Variants in ZFPM2 observed in about 807,000 individuals in gnomAD.
The protein encoded by ZFPM2 is zinc finger protein ZFPM2.
Under a neutral mutation model 98.6 loss-of-function variants are expected in ZFPM2, and 20 were observed. The ratio of observed to expected loss-of-function variants is 0.20; its 90% CI spans 0.14 to 0.29. ZFPM2 has a LOEUF of 0.29. Ranked by LOEUF, ZFPM2 falls within the 10% of genes least tolerant of loss-of-function variation. The pLI is 1.00. For synonymous variants in ZFPM2, 518 were observed against 502.7 expected (o/e 1.03, Z -0.41); for missense variants, 1,310 against 1,388.6 (o/e 0.94, Z 0.90).
chr8:105,318,843 CCAGCGGCGG>C lies in ZFPM2; in HGVS notation c.-97_-89del, dbSNP rs1239556199. ...CCGGCCGGCGGCGGGCCGAGCCTGG[CCAGCGGCGG>C]CGGCGGCGGCGGCGGCGGCGGGAGC... is the stretch of plus-strand genomic sequence containing the variant. On this transcript the variant is annotated 5_prime_UTR_variant, in exon 1 of 8. Transcript: ENST00000407775. The C allele has an allele frequency of 2.2e-6, 1 of 445,874 alleles. No homozygotes were observed. 27.6% of individuals were successfully genotyped at this position (445,874 alleles called of 1,614,324 possible).
intron 5 of ZFPM2, among the ~76,000 whole-genome samples, chr8:105,738,973 C>T (rs972739034): frequency 6.6e-6 from 1 of 152,054 alleles, no homozygotes; most frequent in African/African-American, 2.4e-5. Flanking sequence ...TTAATTTAGG[C>T]ACAATCTATA....
chr8:105,635,628 T>C (rs1449714403), intron 5 of ZFPM2, among the ~76,000 whole-genome samples: 2 of 152,186 alleles, frequency 1.3e-5, no homozygotes, highest in Non-Finnish European at 2.9e-5. Context: ...ATATAATCTA[T>C]CAAAGTGAAA....
chr8:105,663,675 G>A (rs1016408608), intron 5 of ZFPM2, among the ~76,000 whole-genome samples: 1 of 152,104 alleles, frequency 6.6e-6, no homozygotes, highest in African/African-American at 2.4e-5. Flanking sequence ...AGTCATATGG[G>A]GTAGGTGTTG....
At chr8:105,529,937 G>T (rs2130578456) in intron 3 of ZFPM2, among the ~76,000 whole-genome samples, 1 of 152,084 alleles carries the variant, frequency 6.6e-6, no homozygotes, top group Admixed American at 6.6e-5. Flanking sequence ...CACCATGTTG[G>T]TCAGGCTGGT....
chr8:105,742,244 G>A (rs1225806486), intron 5 of ZFPM2, among the ~76,000 whole-genome samples: 1 of 151,880 alleles, frequency 6.6e-6, no homozygotes, highest in Non-Finnish European at 1.5e-5. Context: ...TGTGCATGGT[G>A]GCGCATGCTT....
At chr8:105,567,505 G>A (rs1586467956) in intron 4 of ZFPM2, among the ~76,000 whole-genome samples, 1 of 151,500 alleles carries the variant, frequency 6.6e-6, no homozygotes, top group Non-Finnish European at 1.5e-5. Context: ...TGAACATTTT[G>A]TGGACCTCTT....
At chr8:105,345,260 T>C (rs921769836) in intron 1 of ZFPM2, among the ~76,000 whole-genome samples, 1 of 152,132 alleles carries the variant, frequency 6.6e-6, no homozygotes, top group African/African-American at 2.4e-5. Context: ...GGTTACCGAA[T>C]ACTATACTTT....
rs1332748193 is a variant in ZFPM2, at chr8:105,432,620, T to C, written c.200-11660T>C. Among the ~76,000 whole-genome samples the C allele has an allele frequency of 3.3e-5, 5 of 152,290 alleles. No homozygotes were observed. The East Asian group carries it at 9.7e-4, about 29-fold the overall frequency. On this transcript the variant is annotated intron_variant, in intron 2 of 7. Transcript: ENST00000407775. ...GGGTTATAGTACAGAATATCCTCAT[T>C]TAGAGACCATAAGGTGTTACTGTGT...
intron 4 of ZFPM2, among the ~76,000 whole-genome samples, chr8:105,597,967 AT>A (rs900419642): frequency 2.0e-5 from 3 of 147,920 alleles, no homozygotes; most frequent in Non-Finnish European, 3.0e-5. Flanking sequence ...GGGGATTGTT[AT>A]TTCAGTTCTT....
intron 3 of ZFPM2, among the ~76,000 whole-genome samples, chr8:105,510,398 GTTT>G (rs756888707): frequency 0.1 from 14,569 of 138,866 alleles, 936 homozygotes; most frequent in African/African-American, 0.19. Context: ...GTCTGTGCAT[GTTT>G]TTTTTTTTTT....
chr8:105,781,992 A>G (rs1351960640), intron 5 of ZFPM2, among the ~76,000 whole-genome samples: 1 of 152,148 alleles, frequency 6.6e-6, no homozygotes, highest in Non-Finnish European at 1.5e-5. Flanking sequence ...AATCTGCCTT[A>G]TTCAAATGCC....
chr8:105,802,225 G>T lies in ZFPM2; in HGVS notation c.2143G>T (p.Asp715Tyr). 6.2e-7 allele frequency: 1 copy of T among 1,613,862 alleles called. No individual in the cohort carries two copies. The highest frequency in any genetic ancestry group is 8.5e-7 in the Non-Finnish European group (1 of 1,179,850). The change falls in exon 8 of 8, where the codon GAC becomes TAC. Residue 715 changes from aspartate (D) to tyrosine (Y), a missense_variant. Coordinates refer to ENST00000407775, the MANE Select transcript of ZFPM2 (RefSeq NM_012082.4). ...HKQYYCATRHDPPLKRSASNK... is the reference protein window; with the variant it reads ...HKQYYCATRHYPPLKRSASNK... ...ACAGTATTACTGTGCTACACGCCAC[G>T]ACCCTCCACTGAAGAGGTCTGCTTC... is the stretch of plus-strand genomic sequence containing the variant.
chr8:105,501,915 G>C (rs1209722451), intron 3 of ZFPM2, among the ~76,000 whole-genome samples: 1 of 151,298 alleles, frequency 6.6e-6, no homozygotes, highest in Middle Eastern at 3.2e-3. Context: ...TAAACACAAT[G>C]TTTTAATTCA....
intron 2 of ZFPM2, among the ~76,000 whole-genome samples, chr8:105,441,659 T>C (rs1456867713): frequency 6.6e-6 from 1 of 151,898 alleles, no homozygotes; most frequent in African/African-American, 2.4e-5. Flanking sequence ...ACAGCTAACA[T>C]TGTGATTCCA....
At chr8:105,322,075 A>G (rs1298200273) in intron 1 of ZFPM2, among the ~76,000 whole-genome samples, 1 of 151,892 alleles carries the variant, frequency 6.6e-6, no homozygotes, top group African/African-American at 2.4e-5. Context: ...TATTATTGTA[A>G]TCCTGGTTTG....
intron 1 of ZFPM2, among the ~76,000 whole-genome samples, chr8:105,395,630 A>G (rs1162196301): frequency 6.6e-6 from 1 of 152,206 alleles, no homozygotes; most frequent in Non-Finnish European, 1.5e-5. Context: ...CCCCCCATAC[A>G]ATGGTTTTAT....
At chr8:105,523,430 C>A (rs1397750832) in intron 3 of ZFPM2, among the ~76,000 whole-genome samples, 1 of 152,206 alleles carries the variant, frequency 6.6e-6, no homozygotes, top group Admixed American at 6.5e-5. Context: ...AATTCTGCAG[C>A]CACACTGCTC....
intron 1 of ZFPM2, among the ~76,000 whole-genome samples, chr8:105,403,342 G>A (rs1309732081): frequency 6.6e-6 from 1 of 151,576 alleles, no homozygotes. Context: ...TCATCTTTTC[G>A]ATCTGTTGTT....
chr8:105,590,562 G>A (rs927723500), intron 4 of ZFPM2, among the ~76,000 whole-genome samples: 16 of 152,190 alleles, frequency 1.1e-4, no homozygotes, highest in African/African-American at 3.9e-4. Context: ...ATAGATAAAG[G>A]TGTTTTTGAG....
Sources: allele counts gnomAD v4.1 joint callset (sites outside exome capture counted in the v4.1 genomes callset), GRCh38; gene constraint gnomAD v4.1.1; transcripts MANE v1.5; gene names NCBI Gene and HGNC (gene_info 2026-07-23, HGNC 2026-07-21).